Variants in CEP63 observed in about 807,000 individuals in gnomAD.
The protein encoded by CEP63 is centrosomal protein of 63 kDa.
Under a neutral mutation model 89.1 loss-of-function variants are expected in CEP63, and 84 were observed. The ratio of observed to expected loss-of-function variants is 0.94; its 90% CI spans 0.79 to 1.13. CEP63 has a LOEUF of 1.13. Ranked by LOEUF, CEP63 falls within the 50% of genes most tolerant of loss-of-function variation. CEP63 has a pLI of 0.00. For missense variants in CEP63, 838 were observed against 813.3 expected, an observed-to-expected ratio of 1.03 and a Z score of -0.37; for synonymous variants, 267 against 272.5, an observed-to-expected ratio of 0.98 and a Z score of 0.20.
At chr3:134,538,533 G>GTGTGTATA (rs1553770392) in intron 6 of CEP63, among the ~76,000 whole-genome samples, 1 of 101,372 alleles carries the variant, frequency 9.9e-6, no homozygotes, top group Non-Finnish European at 2.1e-5. Context: ...GTGTGTGTGT[G>GTGTGTATA]TATATATATA....
At chr3:134,708,609 C>T in the CEP63 span, among the ~76,000 whole-genome samples, 4 of 152,306 alleles carry the variant, frequency 2.6e-5, no homozygotes, top group African/African-American at 7.2e-5. Flanking sequence ...TCCCAGACTA[C>T]GGTGTTTTAT....
downstream of CEP63, among the ~76,000 whole-genome samples, chr3:134,565,544 G>A (rs1957719410): frequency 6.6e-6 from 1 of 152,138 alleles, no homozygotes; most frequent in South Asian, 2.1e-4. Flanking sequence ...TGTAGAAAAA[G>A]TTAGAAATGT....
At chr3:134,568,070 T>A (rs975143184), downstream of CEP63, among the ~76,000 whole-genome samples, 1 of 152,288 alleles carries the variant, frequency 6.6e-6, no homozygotes, top group Non-Finnish European at 1.5e-5. Flanking sequence ...GAGAAACAGA[T>A]GAGCTAAGAT....
intron 6 of CEP63, among the ~76,000 whole-genome samples, chr3:134,544,117 G>C (rs1364181106): frequency 6.6e-6 from 1 of 152,094 alleles, no homozygotes; most frequent in African/African-American, 2.4e-5. Context: ...ACAGGATTTG[G>C]ACCTGTACTG....
At chr3:134,698,715 G>A in the CEP63 span, among the ~76,000 whole-genome samples, 11 of 152,362 alleles carry the variant, frequency 7.2e-5, no homozygotes, top group Non-Finnish European at 1.3e-4. Flanking sequence ...CTTGTCTCCA[G>A]GTAGTCTGAT....
intron 3 of CEP63, among the ~76,000 whole-genome samples, chr3:134,530,205 G>C (rs1460671410): frequency 6.6e-6 from 1 of 152,038 alleles, no homozygotes; most frequent in East Asian, 1.9e-4. Flanking sequence ...TTTTAATATC[G>C]ACTCCCACAT....
At chr3:134,629,752 G>C in the CEP63 span, 3 of 1,008,820 alleles carry the variant, frequency 3.0e-6, no homozygotes, top group Non-Finnish European at 4.6e-6. Flanking sequence ...AAGGGTGAAT[G>C]CCTCATGACT....
At chr3:134,610,680 G>C in the CEP63 span, 1 of 296,704 alleles carries the variant, frequency 3.4e-6, no homozygotes, top group Non-Finnish European at 6.2e-6. Flanking sequence ...CATCCCTAGA[G>C]CCTGCTTGAC....
downstream of CEP63, among the ~76,000 whole-genome samples, chr3:134,576,389 C>G (rs2110310027): frequency 6.6e-6 from 1 of 152,336 alleles, no homozygotes; most frequent in East Asian, 1.9e-4. Context: ...GATGCCAGCA[C>G]AGAAGACACA....
chr3:134,561,761 T>C lies in CEP63; in HGVS notation c.*226T>C. ...AATAAGTTGAAAGAATAAACCACTT[T>C]GCTAGACTTTTTTCTCATACGAATA... On this transcript the variant is annotated 3_prime_UTR_variant, in exon 15 of 15. Coordinates refer to ENST00000675561, the MANE Select transcript of CEP63 (RefSeq NM_001353108.3). 2.2e-6 allele frequency: 3 copies of C among 1,349,066 alleles called. No individual in the cohort carries two copies. Among genetic ancestry groups the C allele is most frequent in the East Asian group, 3.1e-5 (1 of 32,780 alleles). 83.6% of individuals were successfully genotyped at this position (1,349,066 alleles called of 1,614,324 possible).
chr3:134,600,660 A>T, the CEP63 span, among the ~76,000 whole-genome samples: 2 of 152,166 alleles, frequency 1.3e-5, no homozygotes, highest in East Asian at 3.9e-4. Flanking sequence ...TTGCAAGCAG[A>T]TACTTTCTGA....
At chr3:134,716,189 T>C in the CEP63 span, among the ~76,000 whole-genome samples, 1 of 152,244 alleles carries the variant, frequency 6.6e-6, no homozygotes, top group Non-Finnish European at 1.5e-5. Context: ...AATTACTCTG[T>C]CCGATTCTCT....
intron 6 of CEP63, among the ~76,000 whole-genome samples, chr3:134,539,265 C>T (rs1951499995): frequency 1.3e-5 from 2 of 151,924 alleles, no homozygotes; most frequent in South Asian, 4.2e-4. Context: ...TAAAATGTTC[C>T]ACCTTAACCA....
At chr3:134,719,470 G>A in the CEP63 span, among the ~76,000 whole-genome samples, 1 of 152,128 alleles carries the variant, frequency 6.6e-6, no homozygotes, top group East Asian at 1.9e-4. Context: ...GAGTTTTATT[G>A]AGGTATGTCT....
At chr3:134,722,963 A>G in the CEP63 span, among the ~76,000 whole-genome samples, 13 of 152,204 alleles carry the variant, frequency 8.5e-5, no homozygotes, top group Non-Finnish European at 1.5e-4. Flanking sequence ...CCAGATGGAC[A>G]ACTATCTATT....
At chr3:134,491,145 A>T (rs1201641358) in intron 1 of CEP63, among the ~76,000 whole-genome samples, 1 of 152,212 alleles carries the variant, frequency 6.6e-6, no homozygotes, top group Non-Finnish European at 1.5e-5. Context: ...GGTATTACCA[A>T]AGTCTCCTCT....
chr3:134,490,583 T>C (rs186476644), intron 1 of CEP63, among the ~76,000 whole-genome samples: 1 of 152,194 alleles, frequency 6.6e-6, no homozygotes, highest in Non-Finnish European at 1.5e-5. Flanking sequence ...TTGTTTCCAA[T>C]TTTTCAGTAC....
the CEP63 span, among the ~76,000 whole-genome samples, chr3:134,632,527 C>T: frequency 4.2e-4 from 64 of 151,642 alleles, no homozygotes; most frequent in Non-Finnish European, 8.0e-4. Flanking sequence ...GAAGAAGTCT[C>T]AAGGAAAATT....
chr3:134,616,378 C>T, the CEP63 span, among the ~76,000 whole-genome samples: 1 of 152,178 alleles, frequency 6.6e-6, no homozygotes, highest in African/African-American at 2.4e-5. Flanking sequence ...ATGATGTCCA[C>T]CCTGACAACC....
Sources: allele counts gnomAD v4.1 joint callset (sites outside exome capture counted in the v4.1 genomes callset), GRCh38; gene constraint gnomAD v4.1.1; transcripts MANE v1.5; gene names NCBI Gene and HGNC (gene_info 2026-07-23, HGNC 2026-07-21).